Variants in ZNF618 observed in about 807,000 individuals in gnomAD.
The protein encoded by ZNF618 is zinc finger protein 618, also known as neural precursor cell expressed, developmentally down-regulated 10.
In ZNF618, 34 loss-of-function variants were observed where a neutral mutation model predicts 103.0. The ratio of observed to expected loss-of-function variants is 0.33; its 90% confidence interval spans 0.25 to 0.44. The LOEUF is 0.44. Among genes scored for constraint, ZNF618 ranks in the 20% least tolerant of loss-of-function variants. The pLI is 1.00. For missense variants in ZNF618, 1,059 were observed against 1,295.4 expected (o/e 0.82, Z 2.80); for synonymous variants, 551 against 542.2 (o/e 1.02, Z -0.23).
In ZNF618 at chr9:114,049,564, G is replaced by A; in HGVS notation, c.2262G>A (p.Gln754=). The change falls in exon 15 of 15, where the codon CAG becomes CAA. Residue 754 remains glutamine (Q), a synonymous_variant. Coordinates refer to ENST00000374126, the MANE Select transcript of ZNF618 (RefSeq NM_001318042.2). ...TCATCGAGCTGAGCAACGAGAGCCAGCCCACCCTGCAGCTGGTGCTGCCCA... is the reference window on the plus strand; with the variant it reads ...TCATCGAGCTGAGCAACGAGAGCCAACCCACCCTGCAGCTGGTGCTGCCCA... ...QAVIELSNES[Q]PTLQLVLPTY... 2 of 1,613,822 alleles carry A rather than the reference G, an allele frequency of 1.2e-6. No homozygotes were observed. Among genetic ancestry groups the A allele is most frequent in the Non-Finnish European group, 8.5e-7 (1 of 1,179,898 alleles).
intron 6 of ZNF618, among the ~76,000 whole-genome samples, chr9:114,004,798 T>C (rs1841588109): frequency 6.6e-6 from 1 of 152,152 alleles, no homozygotes; most frequent in African/African-American, 2.4e-5. Context: ...ATTTTGCAGA[T>C]GAGGACAGGG....
chr9:113,971,758 A>C (rs1837991312), intron 2 of ZNF618, among the ~76,000 whole-genome samples: 1 of 152,158 alleles, frequency 6.6e-6, no homozygotes, highest in African/African-American at 2.4e-5. Context: ...AGTTGGTGGA[A>C]GAATGCTGAG....
At position 114,048,635 on chromosome 9, in the gene ZNF618, T is replaced by A; in HGVS notation, c.1349-16T>A. On this transcript the variant is annotated splice_polypyrimidine_tract_variant and intron_variant, in intron 14 of 14. Coordinates refer to ENST00000374126, the MANE Select transcript of ZNF618 (RefSeq NM_001318042.2). ...ATGCCAGAATTAATCCCATCTGTCT[T>A]TGTGTCCTCTGCCAGCCACTACCAG... The A allele has an allele frequency of 1.3e-6, 2 of 1,599,354 alleles. No homozygotes were observed. The highest frequency in any genetic ancestry group is 1.3e-5 in the African/African-American group (1 of 74,840).
At chr9:114,019,352 A>C (rs1842893326) in intron 10 of ZNF618, among the ~76,000 whole-genome samples, 1 of 152,194 alleles carries the variant, frequency 6.6e-6, no homozygotes, top group Non-Finnish European at 1.5e-5. Flanking sequence ...TCTTTGGATA[A>C]ATACCAAGGA....
intron 1 of ZNF618, among the ~76,000 whole-genome samples, chr9:113,951,519 A>ATATGTGCATATG (rs1215942538): frequency 4.8e-5 from 3 of 62,596 alleles, no homozygotes; most frequent in Non-Finnish European, 9.6e-5. Flanking sequence ...ATGTGTGTAT[A>ATATGTGCATATG]TGTACACATA....
chr9:113,919,515 G>A (rs1273637403), intron 1 of ZNF618, among the ~76,000 whole-genome samples: 1 of 152,256 alleles, frequency 6.6e-6, no homozygotes, highest in African/African-American at 2.4e-5. Flanking sequence ...TGGCGGGCTT[G>A]CCATCCGTGC....
At chr9:113,887,049 A>G (rs982947681) in intron 1 of ZNF618, among the ~76,000 whole-genome samples, 1 of 125,820 alleles carries the variant, frequency 7.9e-6, no homozygotes, top group African/African-American at 3.1e-5. Flanking sequence ...GGCTCATATT[A>G]TATTTCTATT....
chr9:114,028,874 T>C lies in ZNF618; in HGVS notation c.986T>C (p.Val329Ala). 1 of 1,550,626 alleles carries C rather than the reference T, an allele frequency of 6.4e-7. No individual in the cohort carries two copies. The highest frequency in any genetic ancestry group is 1.2e-5 in the South Asian group (1 of 84,054). ...QSGKKAPASV[V>A]RCATLLHRTP... is the part of the protein sequence containing the mutation. The stretch of plus-strand genomic sequence containing the variant: ...GGGAAAAAAGCTCCGGCCTCCGTGG[T>C]CCGATGTGCCACCCTCTTACACCGC... The change falls in exon 11 of 15, where the codon GTC becomes GCC. Residue 329 changes from valine to alanine, a missense_variant. Coordinates refer to ENST00000374126, the MANE Select transcript of ZNF618 (RefSeq NM_001318042.2).
chr9:114,026,361 T>C (rs1843501561), intron 10 of ZNF618, among the ~76,000 whole-genome samples: 1 of 152,220 alleles, frequency 6.6e-6, no homozygotes. Flanking sequence ...TTTATGCATG[T>C]TCCTGAGCTC....
At position 114,055,228 on chromosome 9, in the gene ZNF618, A is replaced by G. The variant is rs1443624366; in HGVS notation, c.*5061A>G. The G allele has an allele frequency of 6.6e-6, 1 of 152,144 alleles. No homozygotes were observed. The highest frequency in any genetic ancestry group is 1.5e-5 in the Non-Finnish European group (1 of 68,050). The allele number at this position is 152,144 out of a possible 1,614,324, so 9.4% of individuals were successfully genotyped here. ...AGCCGGAAGGAGGGGCTCCTGCCAT[A>G]ACCCAGGTGCCAGCCGGTCTCCGCC... is the stretch of plus-strand genomic sequence containing the variant. On this transcript the variant is annotated 3_prime_UTR_variant, in exon 15 of 15. Transcript: ENST00000374126.
At chr9:114,002,912 T>G (rs1017630375) in intron 6 of ZNF618, among the ~76,000 whole-genome samples, 14 of 152,230 alleles carry the variant, frequency 9.2e-5, no homozygotes, top group African/African-American at 3.4e-4. Context: ...CCATGACGAC[T>G]TCTCTGGCCA....
At chr9:113,945,754 G>T (rs1834963257) in intron 1 of ZNF618, among the ~76,000 whole-genome samples, 1 of 152,002 alleles carries the variant, frequency 6.6e-6, no homozygotes, top group South Asian at 2.1e-4. Flanking sequence ...TATTTTTGGT[G>T]GCTGTTAATA....
chr9:113,916,416 A>G (rs1832083213), intron 1 of ZNF618, among the ~76,000 whole-genome samples: 1 of 152,160 alleles, frequency 6.6e-6, no homozygotes, highest in South Asian at 2.1e-4. Context: ...AAACTTAAGA[A>G]GAGCCTAAAA....
intron 9 of ZNF618, chr9:114,016,231 G>C (rs908512914): frequency 6.7e-7 from 1 of 1,493,492 alleles, no homozygotes; most frequent in African/African-American, 1.4e-5. Flanking sequence ...GCTAGTGGGT[G>C]GGGGGTGCTT....
chr9:113,919,871 G>T (rs1832476980), intron 1 of ZNF618, among the ~76,000 whole-genome samples: 1 of 152,244 alleles, frequency 6.6e-6, no homozygotes, highest in Non-Finnish European at 1.5e-5. Context: ...CATTGTAAAA[G>T]TATCACAGTC....
intron 2 of ZNF618, among the ~76,000 whole-genome samples, chr9:113,982,692 C>T (rs138791973): frequency 2.3e-3 from 354 of 152,292 alleles, no homozygotes; most frequent in South Asian, 4.1e-3. Flanking sequence ...AAAAGCAAAG[C>T]TGTGTGTATT....
At chr9:113,906,888 T>C (rs1831039526) in intron 1 of ZNF618, among the ~76,000 whole-genome samples, 1 of 152,224 alleles carries the variant, frequency 6.6e-6, no homozygotes, top group African/African-American at 2.4e-5. Context: ...CATATGCAGA[T>C]GATGTCATCG....
intron 1 of ZNF618, among the ~76,000 whole-genome samples, chr9:113,901,301 A>G (rs146248575): frequency 0.012 from 1,809 of 152,244 alleles, 17 homozygotes; most frequent in Non-Finnish European, 0.018. Context: ...AGCGTCTCCA[A>G]CATTTAAAAC....
At chr9:113,981,605 G>A (rs1191626938) in intron 2 of ZNF618, among the ~76,000 whole-genome samples, 1 of 152,208 alleles carries the variant, frequency 6.6e-6, no homozygotes, top group Non-Finnish European at 1.5e-5. Context: ...AAACAAAGCC[G>A]CCATACTCCC....
Sources: allele counts gnomAD v4.1 joint callset (sites outside exome capture counted in the v4.1 genomes callset), GRCh38; gene constraint gnomAD v4.1.1; transcripts MANE v1.5; gene names NCBI Gene and HGNC (gene_info 2026-07-23, HGNC 2026-07-21).